Variants in PDE4B observed in about 807,000 individuals in gnomAD.
PDE4B encodes 3',5'-cyclic-AMP phosphodiesterase 4B.
PDE4B carries 20 observed loss-of-function variants against 82.2 expected under a neutral mutation model. The observed-to-expected ratio is 0.24, with a 90% CI of 0.17 to 0.35. The LOEUF (loss-of-function observed/expected upper bound fraction) is 0.35. Among genes scored for constraint, PDE4B ranks in the 10% least tolerant of loss-of-function variants. The pLI is 1.00. For synonymous variants in PDE4B, 320 were observed against 318.9 expected, an observed-to-expected ratio of 1.00 and a Z score of -0.04; for missense variants, 655 against 907.2, an observed-to-expected ratio of 0.72 and a Z score of 3.57.
chr1:65,909,927 G>C (rs1414608161), intron 1 of PDE4B, among the ~76,000 whole-genome samples: 1 of 152,112 alleles, frequency 6.6e-6, no homozygotes, highest in Non-Finnish European at 1.5e-5. Context: ...AGAAAAAAAA[G>C]ATATAAAGAC....
chr1:66,109,374 T>A (rs979593951), intron 3 of PDE4B, among the ~76,000 whole-genome samples: 1 of 151,874 alleles, frequency 6.6e-6, no homozygotes, highest in African/African-American at 2.4e-5. Flanking sequence ...TTTTTCAGAT[T>A]TTTGAAAGCT....
chr1:66,278,061 T>C (rs1001136514), intron 7 of PDE4B, among the ~76,000 whole-genome samples: 2 of 152,238 alleles, frequency 1.3e-5, no homozygotes, highest in Non-Finnish European at 2.9e-5. Flanking sequence ...TTGTTTTTAA[T>C]ATATTGTAAC....
intron 7 of PDE4B, among the ~76,000 whole-genome samples, chr1:66,321,175 T>C (rs567963049): frequency 6.4e-4 from 97 of 152,300 alleles, no homozygotes; most frequent in African/African-American, 2.3e-3. Flanking sequence ...TATTAATTCA[T>C]TGGACTCTGA....
intron 1 of PDE4B, among the ~76,000 whole-genome samples, chr1:65,910,164 T>C (rs1647073655): frequency 6.6e-6 from 1 of 152,232 alleles, no homozygotes; most frequent in Non-Finnish European, 1.5e-5. Context: ...ATTGAAATCA[T>C]GTACGTAGAG....
chr1:66,154,056 T>C (rs1646454816), intron 3 of PDE4B, among the ~76,000 whole-genome samples: 1 of 152,192 alleles, frequency 6.6e-6, no homozygotes, highest in Non-Finnish European at 1.5e-5. Flanking sequence ...TCTTTACCTT[T>C]TTATCTTCCC....
chr1:66,319,283 C>T (rs72674135), intron 7 of PDE4B, among the ~76,000 whole-genome samples: 2 of 152,168 alleles, frequency 1.3e-5, no homozygotes, highest in Admixed American at 6.5e-5. Flanking sequence ...CACCTTCACT[C>T]TCAACAGCAA....
intron 1 of PDE4B, among the ~76,000 whole-genome samples, chr1:65,873,467 T>C (rs1557790230): frequency 6.6e-6 from 1 of 152,220 alleles, no homozygotes; most frequent in East Asian, 1.9e-4. Context: ...GTGTGATATG[T>C]AGATATAAAG....
At chr1:66,370,374 TTTTCCATACATTATCTTAC>T (rs1408676418) in intron 16 of PDE4B, among the ~76,000 whole-genome samples, 1 of 152,118 alleles carries the variant, frequency 6.6e-6, no homozygotes, top group East Asian at 1.9e-4. Context: ...ATTTCACACA[TTTTCCATACATTATCTTAC>T]TTGGATCCCC....
chr1:66,129,673 CA>C (rs1210537941), intron 3 of PDE4B, among the ~76,000 whole-genome samples: 2 of 35,870 alleles, frequency 5.6e-5, no homozygotes, highest in African/African-American at 2.0e-4. Context: ...AAAAAAAAAA[CA>C]AAAAAACAAA....
intron 3 of PDE4B, among the ~76,000 whole-genome samples, chr1:66,102,878 T>C (rs540696046): frequency 2.6e-5 from 4 of 152,184 alleles, no homozygotes; most frequent in East Asian, 1.9e-4. Flanking sequence ...AGTTTAGTTA[T>C]TGTGCCTTAA....
intron 7 of PDE4B, among the ~76,000 whole-genome samples, chr1:66,276,144 T>C (rs1655865520): frequency 1.3e-5 from 2 of 152,180 alleles, no homozygotes; most frequent in Admixed American, 6.5e-5. Flanking sequence ...GCCTCTGATT[T>C]CAGGAAAGGT....
intron 7 of PDE4B, among the ~76,000 whole-genome samples, chr1:66,297,279 A>G (rs1657580165): frequency 6.6e-6 from 1 of 152,076 alleles, no homozygotes; most frequent in Non-Finnish European, 1.5e-5. Context: ...TTCCCATTTC[A>G]TGAATAGATG....
At chr1:66,288,496 G>A (rs1011028217) in intron 7 of PDE4B, among the ~76,000 whole-genome samples, 20 of 152,102 alleles carry the variant, frequency 1.3e-4, no homozygotes, top group African/African-American at 4.6e-4. Flanking sequence ...TACATAGTGT[G>A]TTCTATGAAA....
chr1:66,001,353 T>C (rs1298723420), intron 3 of PDE4B, among the ~76,000 whole-genome samples: 1 of 152,198 alleles, frequency 6.6e-6, no homozygotes, highest in Admixed American at 6.5e-5. Context: ...TTCTTTATGT[T>C]GAAGAGAGCA....
In PDE4B at chr1:66,367,687, A is replaced by C. The variant is rs1663349444; in HGVS notation, c.1385-9A>C. 1 of 1,601,512 alleles carries C rather than the reference A, an allele frequency of 6.2e-7. No homozygotes were observed. The highest frequency in any genetic ancestry group is 1.1e-5 in the South Asian group (1 of 89,092). ...TTTAATTAAGTCATCATTTGGTCTG[A>C]TTTATTAGATTCAGAACTTGCTTTG... On this transcript the variant is annotated splice_polypyrimidine_tract_variant and intron_variant, in intron 13 of 16. Coordinates refer to ENST00000341517, the MANE Select transcript of PDE4B (RefSeq NM_002600.4).
At chr1:65,960,248 T>A (rs764902616) in intron 3 of PDE4B, among the ~76,000 whole-genome samples, 1 of 152,100 alleles carries the variant, frequency 6.6e-6, no homozygotes, top group Admixed American at 6.6e-5. Context: ...TTTGCTTTTG[T>A]GTGGCAGCGC....
At chr1:66,351,869 A>G (rs1227215659) in intron 8 of PDE4B, among the ~76,000 whole-genome samples, 2 of 152,170 alleles carry the variant, frequency 1.3e-5, no homozygotes, top group Non-Finnish European at 2.9e-5. Flanking sequence ...TTAACTTCAA[A>G]CATAATTCAT....
intron 3 of PDE4B, among the ~76,000 whole-genome samples, chr1:66,000,161 C>T (rs1557487727): frequency 6.6e-6 from 1 of 152,140 alleles, no homozygotes. Context: ...TTTGGTTTTT[C>T]TTCATTCATC....
chr1:66,043,248 A>C (rs543803251), intron 3 of PDE4B, among the ~76,000 whole-genome samples: 19 of 151,912 alleles, frequency 1.3e-4, no homozygotes, highest in Non-Finnish European at 2.4e-4. Flanking sequence ...ACCAGTTATA[A>C]ATTTTTTTTA....
Sources: gnomAD v4.1 joint callset for allele counts (sites outside exome capture counted in the v4.1 genomes callset) on GRCh38, gnomAD v4.1.1 for gene constraint, MANE v1.5 for transcripts, NCBI Gene and HGNC (gene_info 2026-07-23, HGNC 2026-07-21) for gene names.